The following AGBL3 variants were observed in gnomAD, a reference collection of about 807,000 sequenced individuals.
AGBL3 encodes the protein AGBL carboxypeptidase 3.
In AGBL3, 68 loss-of-function variants were observed where a neutral mutation model predicts 94.5. That is an observed-to-expected ratio of 0.72 (90% CI 0.59 to 0.88). AGBL3 has a LOEUF of 0.88. Ranked by LOEUF, AGBL3 falls within the 40% of genes least tolerant of loss-of-function variation. The pLI is 0.00. For synonymous variants in AGBL3, 354 were observed against 370.7 expected (o/e 0.95, Z 0.52); for missense variants, 934 against 1,103.8 (o/e 0.85, Z 2.18).
At position 134,993,513 on chromosome 7, in the gene AGBL3, T is replaced by C; in HGVS notation, c.145T>C (p.Phe49Leu). The change falls in exon 4 of 17, where the codon TTC becomes CTC. Residue 49 changes from phenylalanine (F) to leucine (L), a missense_variant. By Grantham distance (22) the Phe-to-Leu change is conservative. Transcript: ENST00000436302. The stretch of plus-strand genomic sequence containing the variant: ...CTCAGCTGACTCTTTTGGTGATCCC[T>C]TCTTCCCCCGGACTACACAGATACT... ...LLTADSFGDP[F>L]FPRTTQILLE... 11 of 1,548,090 alleles carry C rather than the reference T, an allele frequency of 7.1e-6. No individual in the cohort carries two copies. Among genetic ancestry groups the C allele is most frequent in the Non-Finnish European group, 8.7e-6 (10 of 1,145,688 alleles).
intron 7 of AGBL3, among the ~76,000 whole-genome samples, chr7:135,035,829 C>T (rs528918793): frequency 6.6e-6 from 1 of 152,180 alleles, no homozygotes; most frequent in South Asian, 2.1e-4. Context: ...TAAAAATGTA[C>T]AGCATGTTTC....
chr7:135,130,887 T>C (rs988695667), intron 16 of AGBL3, among the ~76,000 whole-genome samples: 1 of 152,200 alleles, frequency 6.6e-6, no homozygotes, highest in Admixed American at 6.5e-5. Context: ...AAAAATTGTC[T>C]TTCGTTATCG....
chr7:134,990,565 C>G (rs1172762969), intron 3 of AGBL3, among the ~76,000 whole-genome samples: 1 of 152,144 alleles, frequency 6.6e-6, no homozygotes, highest in Non-Finnish European at 1.5e-5. Context: ...TATTTTTGTA[C>G]AAGTCCTTGT....
intron 3 of AGBL3, among the ~76,000 whole-genome samples, chr7:134,992,653 T>G (rs1054008585): frequency 1.3e-5 from 2 of 152,228 alleles, no homozygotes; most frequent in African/African-American, 4.8e-5. Context: ...TTATTAGTTA[T>G]TGACCTGTAG....
chr7:135,108,648 T>G (rs1825138940), intron 15 of AGBL3, among the ~76,000 whole-genome samples: 1 of 152,204 alleles, frequency 6.6e-6, no homozygotes, highest in Admixed American at 6.5e-5. Flanking sequence ...ATTTCTACCT[T>G]GGAAAATCTG....
intron 15 of AGBL3, among the ~76,000 whole-genome samples, chr7:135,109,142 T>A (rs1301806423): frequency 6.6e-6 from 1 of 152,202 alleles, no homozygotes; most frequent in Non-Finnish European, 1.5e-5. Flanking sequence ...TCTCCTGAAT[T>A]TTGATGATCT....
intron 5 of AGBL3, among the ~76,000 whole-genome samples, chr7:135,024,029 C>T (rs1814811909): frequency 6.6e-6 from 1 of 151,768 alleles, no homozygotes; most frequent in African/African-American, 2.4e-5. Context: ...GCGGGAGGAG[C>T]CCCCATTCTG....
chr7:135,103,432 T>G (rs541834918), intron 15 of AGBL3, among the ~76,000 whole-genome samples: 2 of 152,228 alleles, frequency 1.3e-5, no homozygotes, highest in Admixed American at 1.3e-4. Context: ...CCCATATGAG[T>G]TAGAGTATAG....
At chr7:135,017,787 TCA>T (rs1813975010) in intron 5 of AGBL3, among the ~76,000 whole-genome samples, 2 of 152,130 alleles carry the variant, frequency 1.3e-5, no homozygotes, top group African/African-American at 4.8e-5. Flanking sequence ...AAAGAGAAAT[TCA>T]CAGAGGCTGC....
intron 1 of AGBL3, 125 bp downstream of exon 1, chr7:134,986,826 C>T (rs1809509980): frequency 6.6e-6 from 1 of 152,308 alleles, no homozygotes; most frequent in African/African-American, 2.4e-5. Context: ...GGAGTTGTGG[C>T]CTCATCGTGC....
chr7:135,116,689 T>C (rs921826915), intron 16 of AGBL3, among the ~76,000 whole-genome samples: 3 of 152,196 alleles, frequency 2.0e-5, no homozygotes, highest in Non-Finnish European at 4.4e-5. Flanking sequence ...AGCAGAGGTT[T>C]GAGATCCCCC....
At chr7:134,993,782 C>A in intron 4 of AGBL3, 104 bp downstream of exon 4, 1 of 943,310 alleles carries the variant, frequency 1.1e-6, no homozygotes, top group Non-Finnish European at 1.4e-6. Context: ...CACATTCCAA[C>A]AGAAATATAA....
chr7:135,046,560 A>G (rs913111506), intron 11 of AGBL3, among the ~76,000 whole-genome samples: 1 of 152,142 alleles, frequency 6.6e-6, no homozygotes, highest in Non-Finnish European at 1.5e-5. Context: ...GCATATAGGT[A>G]GAATCACACA....
intron 5 of AGBL3, among the ~76,000 whole-genome samples, chr7:135,029,744 GC>G (rs1206315515): frequency 6.6e-6 from 1 of 152,140 alleles, no homozygotes; most frequent in African/African-American, 2.4e-5. Context: ...CTTTTGACAT[GC>G]CTTCCTCACT....
rs377450919 is a variant in AGBL3, at chr7:135,045,557, G to A, written c.1711G>A (p.Asp571Asn). The change falls in exon 10 of 17, where the codon GAT becomes AAT. Residue 571 changes from aspartate (D) to asparagine (N), a missense_variant. Asp to Asn is a conservative substitution (Grantham distance 23). This residue lies in a region of AGBL3 where 441 missense variants were observed against 518.2 expected (regional missense o/e 0.85). Transcript: ENST00000436302. ...HFCDSLLDYCDPDRTKYYRCL... is the reference protein window; with the variant it reads ...HFCDSLLDYCNPDRTKYYRCL... ...TTGTGATTCTCTCTTGGATTATTGT[G>A]ATCCCGACCGGACCAAGGTAAGCAA... 1.3e-6 allele frequency: 2 copies of A among 1,551,038 alleles called. No individual in the cohort carries two copies. Among genetic ancestry groups the A allele is most frequent in the Admixed American group, 3.9e-5 (2 of 50,960 alleles).
intron 4 of AGBL3, among the ~76,000 whole-genome samples, chr7:135,006,297 A>G (rs1016385311): frequency 5.3e-5 from 8 of 151,936 alleles, no homozygotes; most frequent in African/African-American, 1.7e-4. Flanking sequence ...ATTATATTGC[A>G]TGGCTACTCC....
At chr7:135,127,778 G>C (rs1828096142) in intron 16 of AGBL3, among the ~76,000 whole-genome samples, 1 of 152,096 alleles carries the variant, frequency 6.6e-6, no homozygotes, top group Non-Finnish European at 1.5e-5. Flanking sequence ...GATTCCTCAA[G>C]GATCTAGAAC....
intron 16 of AGBL3, among the ~76,000 whole-genome samples, chr7:135,133,936 CCAGA>C (rs1400785862): frequency 6.6e-6 from 1 of 151,830 alleles, no homozygotes; most frequent in Non-Finnish European, 1.5e-5. Flanking sequence ...AGATGAATCT[CCAGA>C]CAATTACTCT....
In AGBL3 at chr7:135,037,429, A is replaced by G. The variant is rs1265066865; in HGVS notation, c.1349A>G (p.Lys450Arg). ...TRNMVHRLME[K>R]REVILYCDLH... The stretch of plus-strand genomic sequence containing the variant: ...TTTCTTCCTGGCAGACTGATGGAGA[A>G]ACGAGAGGTTATTTTATACTGTGAT... The change falls in exon 8 of 17, where the codon AAA becomes AGA. Residue 450 changes from lysine (K) to arginine (R), a missense_variant. Coordinates refer to ENST00000436302, the MANE Select transcript of AGBL3 (RefSeq NM_178563.4). The G allele has an allele frequency of 5.8e-6, 9 of 1,542,034 alleles. No homozygotes were observed. The highest frequency in any genetic ancestry group is 7.9e-6 in the Non-Finnish European group (9 of 1,143,702).
Sources: allele counts gnomAD v4.1 joint callset (sites outside exome capture counted in the v4.1 genomes callset), GRCh38; gene constraint gnomAD v4.1.1; regional missense constraint gnomAD v4.1.1; transcripts MANE v1.5; gene names NCBI Gene and HGNC (gene_info 2026-07-23, HGNC 2026-07-21).